Variants in STXBP5L observed in about 807,000 individuals in gnomAD.
STXBP5L encodes the protein syntaxin-binding protein 5-like.
Under a neutral mutation model 144.5 loss-of-function variants are expected in STXBP5L, and 65 were observed. That is an observed-to-expected ratio of 0.45 (90% CI 0.37 to 0.55). The LOEUF (loss-of-function observed/expected upper bound fraction) is 0.55. STXBP5L is among the 20% of genes least tolerant of loss of function. The pLI is 0.00. For missense variants in STXBP5L, 1,298 were observed against 1,405.5 expected (o/e 0.92, Z 1.22); for synonymous variants, 505 against 469.6 (o/e 1.08, Z -0.97).
intron 9 of STXBP5L, among the ~76,000 whole-genome samples, chr3:121,188,267 A>G (rs990861885): frequency 6.6e-6 from 1 of 152,206 alleles, no homozygotes; most frequent in African/African-American, 2.4e-5. Context: ...TTACTCCCAT[A>G]TTGACCACAT....
intron 3 of STXBP5L, among the ~76,000 whole-genome samples, chr3:120,956,015 G>A (rs944944494): frequency 6.6e-6 from 1 of 151,850 alleles, no homozygotes; most frequent in African/African-American, 2.4e-5. Context: ...TGGTATAGAT[G>A]TACCACAGTG....
At chr3:120,921,630 C>G (rs780621288) in intron 2 of STXBP5L, among the ~76,000 whole-genome samples, 1 of 151,890 alleles carries the variant, frequency 6.6e-6, no homozygotes, top group African/African-American at 2.4e-5. Flanking sequence ...AGTCTTTAAT[C>G]AATTTTGATT....
At chr3:121,314,861 A>T (rs533460975) in intron 19 of STXBP5L, among the ~76,000 whole-genome samples, 1 of 152,238 alleles carries the variant, frequency 6.6e-6, no homozygotes, top group Non-Finnish European at 1.5e-5. Context: ...AGACATTTAC[A>T]CAGCCAAAAG....
intron 3 of STXBP5L, among the ~76,000 whole-genome samples, chr3:120,961,300 G>A (rs748578498): frequency 3.4e-5 from 5 of 145,112 alleles, no homozygotes; most frequent in East Asian, 2.0e-4. Flanking sequence ...TATACTTTAA[G>A]TTCTAGGGTA....
intron 20 of STXBP5L, among the ~76,000 whole-genome samples, chr3:121,365,051 A>T (rs546995936): frequency 6.6e-6 from 1 of 151,860 alleles, no homozygotes; most frequent in South Asian, 2.1e-4. Flanking sequence ...TGTAACCTTA[A>T]TATATTGCAA....
At chr3:121,316,169 A>G (rs1577441199) in intron 19 of STXBP5L, among the ~76,000 whole-genome samples, 1 of 152,218 alleles carries the variant, frequency 6.6e-6, no homozygotes, top group Non-Finnish European at 1.5e-5. Context: ...ATAACTATAT[A>G]GTATTTAATG....
At chr3:120,913,347 G>C (rs1409098592) in intron 2 of STXBP5L, among the ~76,000 whole-genome samples, 2 of 151,898 alleles carry the variant, frequency 1.3e-5, no homozygotes, top group Non-Finnish European at 2.9e-5. Context: ...AATCTCTAGG[G>C]ATGAGTCCTA....
chr3:121,416,997 C>T lies in STXBP5L; in HGVS notation c.3226+1029C>T, dbSNP rs79368514. ...ATTATTTGGCCATGAAAAGGAATGA[C>T]GTACTGATACATGGTACAACATGGA... On this transcript the variant is annotated intron_variant, in intron 25 of 26. Transcript: ENST00000471454. 8.2e-3 allele frequency among the ~76,000 whole-genome samples: 1,252 copies of T among 152,174 alleles called. 12 individuals are homozygous for T. The highest frequency in any genetic ancestry group is 0.029 in the African/African-American group (1,202 of 41,512).
intron 5 of STXBP5L, among the ~76,000 whole-genome samples, chr3:121,078,642 G>A (rs1020187464): frequency 8.5e-5 from 13 of 152,320 alleles, no homozygotes; most frequent in Admixed American, 2.6e-4. Context: ...GGAGGCTCAG[G>A]CATGGCCAGC....
At chr3:121,002,199 C>T (rs1056982444) in intron 3 of STXBP5L, among the ~76,000 whole-genome samples, 1 of 152,082 alleles carries the variant, frequency 6.6e-6, no homozygotes, top group Non-Finnish European at 1.5e-5. Context: ...TTTTTCTTCA[C>T]ATTCTCATCA....
At chr3:121,341,793 C>T (rs116131236) in intron 20 of STXBP5L, among the ~76,000 whole-genome samples, 1,857 of 151,948 alleles carry the variant, frequency 0.012, 32 homozygotes, top group African/African-American at 0.042. Flanking sequence ...CTCACTTATT[C>T]GTGGGAACTA....
chr3:121,401,314 G>A (rs951151604), intron 22 of STXBP5L, among the ~76,000 whole-genome samples: 3 of 152,046 alleles, frequency 2.0e-5, no homozygotes, highest in African/African-American at 7.3e-5. Flanking sequence ...ATTGCAACTA[G>A]CACTTGTGGA....
At chr3:121,055,127 TAA>T (rs1948358280) in intron 5 of STXBP5L, among the ~76,000 whole-genome samples, 1 of 152,204 alleles carries the variant, frequency 6.6e-6, no homozygotes, top group South Asian at 2.1e-4. Context: ...ATGCTTACAT[TAA>T]AGATAAATGT....
At position 121,075,060 on chromosome 3, in the gene STXBP5L, C is replaced by A. The variant is rs544114853; in HGVS notation, c.470+29525C>A. On this transcript the variant is annotated intron_variant, in intron 5 of 26. Transcript: ENST00000471454. ...CATTGAGACCATAGGCTCCTTGGGG[C>A]CTAATGAAGTGGAACCCAGTCTGTC... 8.5e-5 allele frequency among the ~76,000 whole-genome samples: 13 copies of A among 152,246 alleles called. No homozygotes were observed. In the East Asian group the frequency reaches 2.3e-3, roughly 27 times the overall value.
chr3:121,322,521 T>C (rs993081807), intron 20 of STXBP5L, among the ~76,000 whole-genome samples: 10 of 150,834 alleles, frequency 6.6e-5, no homozygotes, highest in Non-Finnish European at 1.5e-5. Flanking sequence ...TATGGCTGCA[T>C]AGCATTCCAT....
chr3:121,180,226 T>A (rs1359917198), intron 9 of STXBP5L, among the ~76,000 whole-genome samples: 1 of 152,166 alleles, frequency 6.6e-6, no homozygotes, highest in Non-Finnish European at 1.5e-5. Context: ...CCTGTCAGAT[T>A]AGCAGCAGAT....
intron 2 of STXBP5L, among the ~76,000 whole-genome samples, chr3:120,923,085 G>A (rs1709435760): frequency 6.6e-6 from 1 of 151,930 alleles, no homozygotes; most frequent in Non-Finnish European, 1.5e-5. Flanking sequence ...TAGGTTGTAT[G>A]TGTCCATGAA....
intron 11 of STXBP5L, among the ~76,000 whole-genome samples, chr3:121,231,575 CA>C (rs777311064): frequency 1.3e-5 from 2 of 151,848 alleles, no homozygotes; most frequent in African/African-American, 2.4e-5. Context: ...AGTCCTGCTA[CA>C]ATTAACATTC....
At chr3:121,147,791 T>C (rs1012962849) in intron 7 of STXBP5L, among the ~76,000 whole-genome samples, 8 of 152,166 alleles carry the variant, frequency 5.3e-5, no homozygotes, top group Non-Finnish European at 1.2e-4. Flanking sequence ...GCTGAAGGCC[T>C]GAATAGAACA....
Sources: gnomAD v4.1 joint callset for allele counts (sites outside exome capture counted in the v4.1 genomes callset) on GRCh38, gnomAD v4.1.1 for gene constraint, MANE v1.5 for transcripts, NCBI Gene and HGNC (gene_info 2026-07-23, HGNC 2026-07-21) for gene names.